PTPRZ1: variants seen among roughly 807,000 people sequenced by gnomAD.
PTPRZ1 encodes the protein receptor-type tyrosine-protein phosphatase zeta.
A neutral mutation model predicts 214.1 loss-of-function variants in PTPRZ1; 82 were observed. The observed-to-expected ratio is 0.38, with a 90% CI of 0.32 to 0.46. The LOEUF is 0.46. PTPRZ1 is among the 20% of genes least tolerant of loss of function. The pLI is 1.00. For synonymous variants in PTPRZ1, 945 were observed against 987.9 expected (o/e 0.96, Z 0.81); for missense variants, 2,603 against 2,748.7 (o/e 0.95, Z 1.19).
At chr7:121,971,605 G>T (rs1007001588) in intron 3 of PTPRZ1, among the ~76,000 whole-genome samples, 1 of 152,108 alleles carries the variant, frequency 6.6e-6, no homozygotes, top group Non-Finnish European at 1.5e-5. Flanking sequence ...GTAAAATAAG[G>T]TTTATACAGT....
intron 3 of PTPRZ1, among the ~76,000 whole-genome samples, chr7:121,969,760 C>T (rs1797172484): frequency 6.6e-6 from 1 of 151,768 alleles, no homozygotes; most frequent in Admixed American, 6.6e-5. Context: ...AGCAGTAGGG[C>T]ATGGAACCTC....
At chr7:121,900,259 G>T (rs1392278005) in intron 1 of PTPRZ1, among the ~76,000 whole-genome samples, 2 of 152,116 alleles carry the variant, frequency 1.3e-5, no homozygotes, top group Non-Finnish European at 2.9e-5. Context: ...CAAAGCCCTG[G>T]CAACTCAAGA....
chr7:122,061,236 G>A lies in PTPRZ1; in HGVS notation c.*16G>A. 1 of 1,564,300 alleles carries A rather than the reference G, an allele frequency of 6.4e-7. No homozygotes were observed. The highest frequency in any genetic ancestry group is 8.7e-7 in the Non-Finnish European group (1 of 1,149,572). ...TTTAGTTTAACACAGAAAGGGGTGGGGGAACTCACATCTGAGCATTGTTTT... is the reference window on the plus strand; with the variant it reads ...TTTAGTTTAACACAGAAAGGGGTGGAGGAACTCACATCTGAGCATTGTTTT... On this transcript the variant is annotated 3_prime_UTR_variant, in exon 30 of 30. Coordinates refer to ENST00000393386, the MANE Select transcript of PTPRZ1 (RefSeq NM_002851.3).
Position 122,010,772 on chromosome 7 carries a change from A to G in PTPRZ1, c.1726A>G (p.Ser576Gly). ...ATATGAGGAGGAGAGTTTATTGACC[A>G]GTTTCAAGCTTGATACTGGAGCTGA... ...TEYEEESLLTSFKLDTGAEDS... is the reference protein window; with the variant it reads ...TEYEEESLLTGFKLDTGAEDS... Residue 576 changes from serine (S) to glycine (G), a missense_variant, in exon 12 of 30, where the codon AGT becomes GGT. By Grantham distance (56) the Ser-to-Gly change is moderately conservative. Coordinates refer to ENST00000393386, the MANE Select transcript of PTPRZ1 (RefSeq NM_002851.3). 6.2e-7 allele frequency: 1 copy of G among 1,614,024 alleles called. No individual in the cohort carries two copies. Among genetic ancestry groups the G allele is most frequent in the African/African-American group, 1.3e-5 (1 of 75,030 alleles).
intron 2 of PTPRZ1, among the ~76,000 whole-genome samples, chr7:121,962,879 A>G (rs1464996288): frequency 6.6e-6 from 1 of 152,082 alleles, no homozygotes; most frequent in Non-Finnish European, 1.5e-5. Context: ...GCACAATATT[A>G]ACACTTCACT....
chr7:121,970,997 C>T (rs1051778084), intron 3 of PTPRZ1, among the ~76,000 whole-genome samples: 1 of 152,142 alleles, frequency 6.6e-6, no homozygotes, highest in East Asian at 1.9e-4. Flanking sequence ...TAAGGAAGGG[C>T]TCCAGTTTCA....
In PTPRZ1 at chr7:121,998,441, G is replaced by A. The variant is rs527422702; in HGVS notation, c.1240+435G>A. Among the ~76,000 whole-genome samples the A allele has an allele frequency of 3.3e-5, 5 of 152,156 alleles. No individual in the cohort carries two copies. In the South Asian group the frequency reaches 1.0e-3, roughly 32 times the overall value. On this transcript the variant is annotated intron_variant, in intron 10 of 29. Transcript: ENST00000393386. The stretch of plus-strand genomic sequence containing the variant: ...AGGTACTTTCAAATATCTATACAAA[G>A]CATCTCAAGAGTTTGTCTTAGATCT...
intron 1 of PTPRZ1, among the ~76,000 whole-genome samples, chr7:121,916,023 C>T (rs1418598455): frequency 6.6e-6 from 1 of 152,094 alleles, no homozygotes; most frequent in Admixed American, 6.5e-5. Flanking sequence ...TGCCTGTAAT[C>T]CCAGCACTTT....
chr7:122,013,551 C>T lies in PTPRZ1; in HGVS notation c.4505C>T (p.Pro1502Leu). The T allele has an allele frequency of 6.2e-7, 1 of 1,614,144 alleles. No homozygotes were observed. Among genetic ancestry groups the T allele is most frequent in the Non-Finnish European group, 8.5e-7 (1 of 1,180,020 alleles). The change falls in exon 12 of 30, where the codon CCT becomes CTT. Residue 1502 changes from proline to leucine, a missense_variant. By Grantham distance (98) the Pro-to-Leu change is moderately conservative (BLOSUM62 -3). Around this residue, in one of 6 missense-constraint regions of PTPRZ1, gnomAD observed 1,913 missense variants for 1,914.3 expected, o/e 1.00. Transcript: ENST00000393386. ...SDSQTGMDRS[P>L]GKSPSANGLS... ...AGTCAAACTGGTATGGACAGAAGTC[C>T]TGGTAAATCACCATCAGCAAATGGG... is the stretch of plus-strand genomic sequence containing the variant.
rs1238189015 is a variant in PTPRZ1, at chr7:122,012,021, G to A, written c.2975G>A (p.Gly992Asp). 6.2e-7 allele frequency: 1 copy of A among 1,614,082 alleles called. No individual in the cohort carries two copies. The highest frequency in any genetic ancestry group is 8.5e-7 in the Non-Finnish European group (1 of 1,180,036). Reference sequence around the variant, plus strand: ...CTGCAGCCTACTCATGCCCTCTCTGGTGATGGGGAATGGTCTGGAGCCTCT... The same window carrying A: ...CTGCAGCCTACTCATGCCCTCTCTGATGATGGGGAATGGTCTGGAGCCTCT... ...SLLQPTHALS[G>D]DGEWSGASSD... Residue 992 changes from glycine to aspartate, a missense_variant, in exon 12 of 30, where the codon GGT becomes GAT. Physicochemically the swap from Gly to Asp is moderately conservative, Grantham distance 94. Around this residue, in one of 6 missense-constraint regions of PTPRZ1, gnomAD observed 1,913 missense variants for 1,914.3 expected, o/e 1.00. Coordinates refer to ENST00000393386, the MANE Select transcript of PTPRZ1 (RefSeq NM_002851.3).
chr7:121,883,806 A>G (rs941604618), intron 1 of PTPRZ1, among the ~76,000 whole-genome samples: 15 of 152,214 alleles, frequency 9.9e-5, no homozygotes, highest in Non-Finnish European at 2.2e-4. Context: ...TTGTATTTTT[A>G]GTAGAGATGG....
At chr7:121,986,723 T>G (rs935500312) in intron 8 of PTPRZ1, among the ~76,000 whole-genome samples, 1 of 152,138 alleles carries the variant, frequency 6.6e-6, no homozygotes, top group African/African-American at 2.4e-5. Flanking sequence ...GGTTCCAAAA[T>G]AAATGGCAGA....
chr7:121,927,534 C>T (rs1795800477), intron 1 of PTPRZ1, among the ~76,000 whole-genome samples: 3 of 152,124 alleles, frequency 2.0e-5, no homozygotes, highest in South Asian at 2.1e-4. Flanking sequence ...ATTTTTATGG[C>T]CCTAAGTTTC....
chr7:122,041,100 A>G, intron 21 of PTPRZ1, 121 bp downstream of exon 21: 4 of 917,374 alleles, frequency 4.4e-6, no homozygotes, highest in Non-Finnish European at 4.5e-6. Context: ...TGATGAAATT[A>G]TATGTTCATT....
At chr7:122,061,016 CT>C (rs1470442255) in intron 29 of PTPRZ1, 63 bp from the exon 30 acceptor site, 3 of 1,456,436 alleles carry the variant, frequency 2.1e-6, no homozygotes, top group Non-Finnish European at 2.8e-6. Context: ...AATATTTCTT[CT>C]TTTTACAAAT....
intron 8 of PTPRZ1, among the ~76,000 whole-genome samples, chr7:121,990,508 C>G (rs1797920300): frequency 7.4e-6 from 1 of 135,908 alleles, no homozygotes; most frequent in African/African-American, 2.8e-5. Context: ...TTAGTGAAAA[C>G]TGTCTTTTTT....
chr7:122,019,008 G>A (rs117559895), intron 12 of PTPRZ1, 116 bp from the exon 13 acceptor site: 7 of 965,316 alleles, frequency 7.3e-6, no homozygotes, highest in Non-Finnish European at 1.0e-5. Context: ...TTGCATCAAA[G>A]AGTCAAAATT....
At chr7:122,059,475 T>A in intron 28 of PTPRZ1, 1 of 149,244 alleles carries the variant, frequency 6.7e-6, no homozygotes, top group Non-Finnish European at 1.1e-5. Flanking sequence ...TACTCTCAGG[T>A]TTTTTTTATT....
At chr7:122,050,722 G>A (rs1189381500) in intron 23 of PTPRZ1, among the ~76,000 whole-genome samples, 1 of 151,814 alleles carries the variant, frequency 6.6e-6, no homozygotes, top group Admixed American at 6.6e-5. Context: ...ATATGAAAAG[G>A]CAATCATCAA....
Sources: allele counts gnomAD v4.1 joint callset (sites outside exome capture counted in the v4.1 genomes callset), GRCh38; gene constraint gnomAD v4.1.1; regional missense constraint gnomAD v4.1.1; transcripts MANE v1.5; gene names NCBI Gene and HGNC (gene_info 2026-07-23, HGNC 2026-07-21).